Variants in ZNF28 observed in about 807,000 individuals in gnomAD.
ZNF28 encodes the protein zinc finger protein KOX24.
Under a neutral mutation model 7.2 loss-of-function variants are expected in ZNF28, and 5 were observed. The observed-to-expected ratio is 0.70, with a 90% CI of 0.36 to 1.46. The LOEUF (loss-of-function observed/expected upper bound fraction) is 1.46. Among genes scored for constraint, ZNF28 ranks in the 40% most tolerant of loss-of-function variants. The pLI is 0.03. For missense variants in ZNF28, 879 were observed against 866.6 expected (o/e 1.01, Z -0.18); for synonymous variants, 288 against 292.4 (o/e 0.99, Z 0.15).
At chr19:52,817,727 C>T (rs1218898395) in intron 2 of ZNF28, among the ~76,000 whole-genome samples, 1 of 152,128 alleles carries the variant, frequency 6.6e-6, no homozygotes, top group African/African-American at 2.4e-5. Flanking sequence ...GTGAGACCTT[C>T]CCAGGACCAT....
chr19:52,810,837 G>A, intron 2 of ZNF28: 1 of 196,998 alleles, frequency 5.1e-6, no homozygotes, highest in Non-Finnish European at 8.8e-6. Flanking sequence ...TTTAAAAAAA[G>A]AGTCCCTCTC....
At chr19:52,808,561 G>A (rs2062968224) in intron 2 of ZNF28, among the ~76,000 whole-genome samples, 1 of 151,636 alleles carries the variant, frequency 6.6e-6, no homozygotes, top group East Asian at 1.9e-4. Context: ...CTGATCCTGG[G>A]AGGCAGAGGT....
chr19:52,815,824 C>A (rs2147679881), intron 2 of ZNF28, among the ~76,000 whole-genome samples: 1 of 144,270 alleles, frequency 6.9e-6, no homozygotes, highest in Non-Finnish European at 1.5e-5. Context: ...GGCTCCATCT[C>A]AAAAAAAATA....
chr19:52,810,401 ACT>A lies in ZNF28; in HGVS notation c.16-2270_16-2269del. The A allele has an allele frequency of 3.1e-6, 5 of 1,604,644 alleles. No homozygotes were observed. In the Admixed American group the frequency reaches 8.4e-5, roughly 27 times the overall value. On this transcript the variant is annotated intron_variant, in intron 2 of 3. Coordinates refer to ENST00000457749, the MANE Select transcript of ZNF28 (RefSeq NM_006969.5). Reference sequence around the variant, plus strand: ...GTGGTTCAGTCAACCACGTTACCATACTCTGTGACAAATTTAGTGGCCATCCC... The same window carrying A: ...GTGGTTCAGTCAACCACGTTACCATACTGTGACAAATTTAGTGGCCATCCC...
chr19:52,821,118 AGAG>A lies in ZNF28; in HGVS notation c.-74+465_-74+467del, dbSNP rs563271538. The stretch of plus-strand genomic sequence containing the variant: ...ATCTGGGGAGCAGCAGGGCCCAGCA[AGAG>A]GAGGAGGGAGGTGGGGAGCGACGAC... On this transcript the variant is annotated intron_variant, in intron 1 of 3. Coordinates refer to ENST00000457749, the MANE Select transcript of ZNF28 (RefSeq NM_006969.5). Among the ~76,000 whole-genome samples the A allele has an allele frequency of 3.3e-5, 5 of 152,138 alleles. No homozygotes were observed. In the South Asian group the frequency reaches 6.2e-4, roughly 19 times the overall value.
intron 2 of ZNF28, chr19:52,810,645 CA>C: frequency 7.8e-7 from 1 of 1,279,476 alleles, no homozygotes; most frequent in South Asian, 1.2e-5. Flanking sequence ...GTTTTAACAG[CA>C]GGCTCTGGGG....
At chr19:52,810,558 C>G (rs1205280523) in intron 2 of ZNF28, 2 of 1,594,414 alleles carry the variant, frequency 1.3e-6, no homozygotes, top group African/African-American at 2.7e-5. Context: ...ATCAGCACAA[C>G]AGACCGGGGT....
At chr19:52,802,871 C>T (rs2062891072) in intron 3 of ZNF28, among the ~76,000 whole-genome samples, 1 of 149,948 alleles carries the variant, frequency 6.7e-6, no homozygotes, top group South Asian at 2.1e-4. Flanking sequence ...CGCCATTCTC[C>T]TGCCTCAGCC....
intron 3 of ZNF28, chr19:52,807,743 G>A (rs1360866046): frequency 3.6e-6 from 2 of 554,498 alleles, no homozygotes; most frequent in African/African-American, 3.8e-5. Flanking sequence ...CCAAGGTGCT[G>A]GGATAACAGG....
rs1222310678 is a variant in ZNF28, at chr19:52,799,791, T to C, written c.2054A>G (p.His685Arg). The C allele has an allele frequency of 1.9e-6, 3 of 1,614,214 alleles. No individual in the cohort carries two copies. The Admixed American group carries it at 5.0e-5, about 27-fold the overall frequency. ...ACACTTGTAAGGTTTCTCTCCAGTATGAACTCTCTGATGCTGTGCAAGGTG... is the reference window on the plus strand; with the variant it reads ...ACACTTGTAAGGTTTCTCTCCAGTACGAACTCTCTGATGCTGTGCAAGGTG... ...QAHLAQHQRV[H>R]TGEKPYKCNE... is the part of the protein sequence containing the mutation. Residue 685 changes from histidine (H) to arginine (R), a missense_variant, in exon 4 of 4, where the codon CAT becomes CGT. Around this residue, in one of 2 missense-constraint regions of ZNF28, gnomAD observed 864 missense variants for 830.2 expected, o/e 1.04. Coordinates refer to ENST00000457749, the MANE Select transcript of ZNF28 (RefSeq NM_006969.5).
chr19:52,811,915 C>G (rs1203583804), intron 2 of ZNF28, among the ~76,000 whole-genome samples: 2 of 111,492 alleles, frequency 1.8e-5, no homozygotes, highest in African/African-American at 4.0e-5. Context: ...GCCCGGCCAG[C>G]CGCCCTATCC....
rs2062826561 is a variant in ZNF28 at position 52,798,749 on chromosome 19, C to G, written c.*939G>C. 1 of 570,804 alleles carries G rather than the reference C, an allele frequency of 1.8e-6. No individual in the cohort carries two copies. Among genetic ancestry groups the G allele is most frequent in the Non-Finnish European group, 3.2e-6 (1 of 313,962 alleles). 35.4% of individuals were successfully genotyped at this position (570,804 alleles called of 1,614,324 possible). ...AATATATGAACGATATCTGAAAAAT[C>G]TGTCACATTTATTACACTTGTAAGA... is the stretch of plus-strand genomic sequence containing the variant. On this transcript the variant is annotated 3_prime_UTR_variant, in exon 4 of 4. Transcript: ENST00000457749.
chr19:52,808,273 A>G, intron 2 of ZNF28, 140 bp from the exon 3 acceptor site: 2 of 1,478,294 alleles, frequency 1.4e-6, no homozygotes, highest in Admixed American at 4.7e-5. Flanking sequence ...TCACCACATG[A>G]TGTTTTTATT....
intron 2 of ZNF28, chr19:52,809,756 G>A (rs2062989103): frequency 6.3e-6 from 3 of 473,104 alleles, no homozygotes; most frequent in South Asian, 3.0e-5. Context: ...AGTGAGCTGA[G>A]ATCATGCCAC....
At chr19:52,809,853 A>T in intron 2 of ZNF28, 1 of 596,170 alleles carries the variant, frequency 1.7e-6, no homozygotes, top group Non-Finnish European at 3.0e-6. Flanking sequence ...CGGTGGTGGC[A>T]GTAGCACTGG....
At chr19:52,809,884 C>A (rs1200515581) in intron 2 of ZNF28, 2 of 757,474 alleles carry the variant, frequency 2.6e-6, no homozygotes, top group African/African-American at 1.7e-5. Flanking sequence ...GGTCCGGGAT[C>A]CAGGCCGGGG....
intron 2 of ZNF28, among the ~76,000 whole-genome samples, chr19:52,813,249 G>GAAAAAGAAAAA (rs1555806826): frequency 1.6e-5 from 1 of 62,984 alleles, no homozygotes; most frequent in African/African-American, 6.1e-5. Flanking sequence ...CTTGAATGGT[G>GAAAAAGAAAAA]AAAAAAAAAA....
rs79157402 is a variant in ZNF28 at position 52,799,895 on chromosome 19, G to A, written c.1950C>T (p.Leu650=). The A allele has an allele frequency of 1.9e-3, 3,031 of 1,602,506 alleles. 46 individuals carry two copies. The African/African-American group carries it at 0.037, about 20-fold the overall frequency. The part of the protein sequence containing the change: ...CGKTFSQMSS[L]VYHHRLHSGE... ...CACTATGAAGCCTATGATGGTATAC[G>A]AGGGATGACATCTGACTGAAGGTCT... The change falls in exon 4 of 4, where the codon CTC becomes CTT. Residue 650 remains leucine, a synonymous_variant. Transcript: ENST00000457749.
At chr19:52,815,245 G>C (rs1271753043) in intron 2 of ZNF28, among the ~76,000 whole-genome samples, 1 of 145,628 alleles carries the variant, frequency 6.9e-6, no homozygotes, top group Admixed American at 6.9e-5. Flanking sequence ...CCCGGGCACA[G>C]TGGCTCACAC....
Sources: gnomAD v4.1 joint callset for allele counts (sites outside exome capture counted in the v4.1 genomes callset) on GRCh38, gnomAD v4.1.1 for gene constraint, gnomAD v4.1.1 regional missense constraint, MANE v1.5 for transcripts, NCBI Gene and HGNC (gene_info 2026-07-23, HGNC 2026-07-21) for gene names.